Variants in SNAP25 observed in about 807,000 individuals in gnomAD.
SNAP25 encodes the protein synaptosome associated protein 25.
A neutral mutation model predicts 28.7 loss-of-function variants in SNAP25; 3 were observed. The observed-to-expected ratio is 0.10, with a 90% CI of 0.05 to 0.27. SNAP25 has a LOEUF of 0.27. Ranked by LOEUF, SNAP25 falls within the 10% of genes least tolerant of loss-of-function variation. The pLI is 1.00. For missense variants in SNAP25, 117 were observed against 278.7 expected (o/e 0.42, Z 4.13); for synonymous variants, 61 against 88.1 (o/e 0.69, Z 1.72).
chr20:10,262,620 T>C (rs990525306), intron 1 of SNAP25, among the ~76,000 whole-genome samples: 1 of 152,144 alleles, frequency 6.6e-6, no homozygotes, highest in African/African-American at 2.4e-5. Flanking sequence ...GTGGAAGTTG[T>C]CTTCGGTTGG....
chr20:10,285,609 T>C (rs1472665954), intron 4 of SNAP25, among the ~76,000 whole-genome samples: 1 of 152,164 alleles, frequency 6.6e-6, no homozygotes, highest in African/African-American at 2.4e-5. Flanking sequence ...ATTTTTTTTA[T>C]GGCAAAGATA....
chr20:10,225,132 A>C (rs2062711956), intron 1 of SNAP25, among the ~76,000 whole-genome samples: 1 of 152,056 alleles, frequency 6.6e-6, no homozygotes, highest in Non-Finnish European at 1.5e-5. Context: ...GGAGAGAAGG[A>C]AGCTTTAAAG....
chr20:10,227,087 T>A (rs760580644), intron 1 of SNAP25, among the ~76,000 whole-genome samples: 1 of 152,148 alleles, frequency 6.6e-6, no homozygotes, highest in Non-Finnish European at 1.5e-5. Context: ...GAAAACTTCC[T>A]GTCATTAAAC....
At chr20:10,228,697 G>A (rs1354690593) in intron 1 of SNAP25, among the ~76,000 whole-genome samples, 8 of 152,104 alleles carry the variant, frequency 5.3e-5, no homozygotes, top group East Asian at 1.9e-4. Flanking sequence ...AGTGGTTGTC[G>A]TGAGACCTAA....
intron 3 of SNAP25, among the ~76,000 whole-genome samples, chr20:10,283,916 C>A (rs2063826529): frequency 6.6e-6 from 1 of 152,136 alleles, no homozygotes; most frequent in Non-Finnish European, 1.5e-5. Context: ...TTCCTTCTGT[C>A]CTGACCACCA....
Position 10,293,708 on chromosome 20 carries a change from A to G in SNAP25, c.281+430A>G, listed in dbSNP as rs2064047372. Among the ~76,000 whole-genome samples the G allele has an allele frequency of 6.6e-6, 1 of 152,212 alleles. No individual in the cohort carries two copies. The highest frequency in any genetic ancestry group is 2.1e-4 in the South Asian group (1 of 4,830). On this transcript the variant is annotated intron_variant, in intron 5 of 7. Transcript: ENST00000254976. This position sits in a 1 kb window ranked among gnomAD's most constrained non-coding sequence, Gnocchi z 5.6. ...TTTTCCAAAATAAAAGAGACAGGTA[A>G]TTTGGCCCAGGGAAGGATTCTATAA... is the stretch of plus-strand genomic sequence containing the variant.
At chr20:10,241,590 C>A (rs544478738) in intron 1 of SNAP25, among the ~76,000 whole-genome samples, 1 of 151,932 alleles carries the variant, frequency 6.6e-6, no homozygotes, top group Non-Finnish European at 1.5e-5. Context: ...GTGAGGTGGT[C>A]GAGAGAGACG....
intron 1 of SNAP25, among the ~76,000 whole-genome samples, chr20:10,259,821 G>A (rs1485148031): frequency 6.6e-6 from 1 of 152,162 alleles, no homozygotes; most frequent in Non-Finnish European, 1.5e-5. Context: ...ATAGGCTTGA[G>A]CCGCTGTGCC....
chr20:10,251,761 G>C (rs1168989101), intron 1 of SNAP25, among the ~76,000 whole-genome samples: 1 of 152,102 alleles, frequency 6.6e-6, no homozygotes, highest in Non-Finnish European at 1.5e-5. Context: ...TCCCCTCAAG[G>C]TTCTAGGTAA....
At chr20:10,222,722 G>A (rs567301522) in intron 1 of SNAP25, among the ~76,000 whole-genome samples, 1 of 152,154 alleles carries the variant, frequency 6.6e-6, no homozygotes, top group African/African-American at 2.4e-5. Flanking sequence ...CAGAAGTAGA[G>A]GGGAGCAAAT....
chr20:10,231,331 G>A (rs1033146528), intron 1 of SNAP25, among the ~76,000 whole-genome samples: 1 of 152,166 alleles, frequency 6.6e-6, no homozygotes, highest in Non-Finnish European at 1.5e-5. Flanking sequence ...TGGGTTCAGA[G>A]CACTTGCTGA....
Position 10,293,043 on chromosome 20 carries a change from TTTC to T in SNAP25, c.164-115_164-113del. The stretch of plus-strand genomic sequence containing the variant: ...CTCTAATCTGTGGCGTCCAGTTTTC[TTTC>T]TTTTTTTTTTTTTCTTTTTTAATGT... On this transcript the variant is annotated intron_variant, in intron 4 of 7. Coordinates refer to ENST00000254976, the MANE Select transcript of SNAP25 (RefSeq NM_130811.4). The surrounding 1 kb of genome is among the most constrained non-coding windows in gnomAD (Gnocchi z 5.6). 1.3e-6 allele frequency: 2 copies of T among 1,483,296 alleles called. No homozygotes were observed. The highest frequency in any genetic ancestry group is 1.8e-6 in the Non-Finnish European group (2 of 1,093,116). The allele number at this position is 1,483,296 out of a possible 1,614,324, so 91.9% of individuals were successfully genotyped here.
chr20:10,241,151 CA>C, intron 1 of SNAP25, among the ~76,000 whole-genome samples: 1 of 150,298 alleles, frequency 6.7e-6, no homozygotes, highest in Non-Finnish European at 1.5e-5. Flanking sequence ...AAGAGAACTG[CA>C]GAGGCCTTGG....
chr20:10,267,752 C>T (rs1436995606), intron 1 of SNAP25, among the ~76,000 whole-genome samples: 1 of 152,092 alleles, frequency 6.6e-6, no homozygotes, highest in Non-Finnish European at 1.5e-5. Context: ...GGGTTTCACC[C>T]TGTTGGCCAG....
Position 10,270,752 on chromosome 20 carries a change from A to G in SNAP25, c.-63-4677A>G, listed in dbSNP as rs543295844. ...GAATCAGTGACCCCATTTCAGACCA[A>G]CTGAATTAGAATCCCTGAGGGTAGG... On this transcript the variant is annotated intron_variant, in intron 1 of 7. Coordinates refer to ENST00000254976, the MANE Select transcript of SNAP25 (RefSeq NM_130811.4). Among the ~76,000 whole-genome samples, 3 of 152,158 alleles carry G rather than the reference A, an allele frequency of 2.0e-5. No homozygotes were observed. The East Asian group carries it at 5.8e-4, about 29-fold the overall frequency.
At chr20:10,259,114 T>TAC (rs2063368575) in intron 1 of SNAP25, among the ~76,000 whole-genome samples, 1 of 152,158 alleles carries the variant, frequency 6.6e-6, no homozygotes, top group South Asian at 2.1e-4. Context: ...GCTATATATA[T>TAC]ACAAAGATAT....
chr20:10,280,769 C>T (rs946097326), intron 3 of SNAP25, among the ~76,000 whole-genome samples: 2 of 152,178 alleles, frequency 1.3e-5, no homozygotes, highest in African/African-American at 4.8e-5. Context: ...TATTGCACAA[C>T]TAATATTTCA....
At chr20:10,233,089 A>G (rs961296441) in intron 1 of SNAP25, among the ~76,000 whole-genome samples, 1 of 152,182 alleles carries the variant, frequency 6.6e-6, no homozygotes, top group Admixed American at 6.5e-5. Flanking sequence ...AAATCCAAAC[A>G]GTCCACAGTG....
At chr20:10,271,472 C>T (rs1393430377) in intron 1 of SNAP25, among the ~76,000 whole-genome samples, 1 of 152,224 alleles carries the variant, frequency 6.6e-6, no homozygotes, top group Non-Finnish European at 1.5e-5. Context: ...TCCCAAATCA[C>T]AGACGTATCT....
Sources: allele counts gnomAD v4.1 joint callset (sites outside exome capture counted in the v4.1 genomes callset), GRCh38; gene constraint gnomAD v4.1.1; non-coding constraint Gnocchi (gnomAD v3.1); transcripts MANE v1.5; gene names NCBI Gene and HGNC (gene_info 2026-07-23, HGNC 2026-07-21).